The following TENT2 variants were observed in gnomAD, a reference collection of about 807,000 sequenced individuals.
TENT2 encodes the protein terminal nucleotidyltransferase 2.
Under a neutral mutation model 72.2 loss-of-function variants are expected in TENT2, and 44 were observed. That is an observed-to-expected ratio of 0.61 (90% CI 0.48 to 0.78). The LOEUF (loss-of-function observed/expected upper bound fraction) is 0.78, where lower values mean the gene tolerates loss of function less well. Among genes scored for constraint, TENT2 ranks in the 30% least tolerant of loss-of-function variants. TENT2 has a pLI of 0.00. For missense variants in TENT2, 541 were observed against 569.6 expected, an observed-to-expected ratio of 0.95 and a Z score of 0.51; for synonymous variants, 212 against 192.5, an observed-to-expected ratio of 1.10 and a Z score of -0.84.
At chr5:79,624,686 C>T (rs1357430390) in intron 4 of TENT2, among the ~76,000 whole-genome samples, 1 of 152,110 alleles carries the variant, frequency 6.6e-6, no homozygotes, top group Non-Finnish European at 1.5e-5. Context: ...TTGCTTTTTT[C>T]ATTTAGCATG....
chr5:79,648,993 G>C, intron 9 of TENT2, 69 bp from the exon 10 acceptor site: 3 of 1,506,160 alleles, frequency 2.0e-6, no homozygotes, highest in Non-Finnish European at 2.7e-6. Flanking sequence ...TATGGAGCTG[G>C]GAAATGATGT....
chr5:79,641,289 G>A, intron 6 of TENT2, 93 bp downstream of exon 6: 2 of 1,076,150 alleles, frequency 1.9e-6, no homozygotes, highest in Non-Finnish European at 2.6e-6. Context: ...AACTTGCTTT[G>A]TTGTGATTAC....
Position 79,645,105 on chromosome 5 carries a change from T to C in TENT2, c.752-18T>C, listed in dbSNP as rs774693429. 7.0e-6 allele frequency: 11 copies of C among 1,579,716 alleles called. No homozygotes were observed. Among genetic ancestry groups the C allele is most frequent in the Non-Finnish European group, 9.4e-6 (11 of 1,165,706 alleles). ...CTAGAAACATTTGCAGCTATTCACATTATCTTTTGTCTTTCAGCGGGCTAC... is the reference window on the plus strand; with the variant it reads ...CTAGAAACATTTGCAGCTATTCACACTATCTTTTGTCTTTCAGCGGGCTAC... On this transcript the variant is annotated intron_variant, in intron 7 of 14. Coordinates refer to ENST00000453514, the MANE Select transcript of TENT2 (RefSeq NM_001114394.3).
intron 4 of TENT2, among the ~76,000 whole-genome samples, chr5:79,631,965 G>T (rs969366109): frequency 7.2e-5 from 11 of 152,182 alleles, no homozygotes; most frequent in Admixed American, 1.3e-4. Flanking sequence ...GAGTTGAATG[G>T]CATCTTCCCG....
Position 79,620,012 on chromosome 5 carries a change from A to G in TENT2, c.156A>G (p.Ser52=). The G allele has an allele frequency of 1.9e-6, 3 of 1,610,702 alleles. No homozygotes were observed. The highest frequency in any genetic ancestry group is 2.5e-6 in the Non-Finnish European group (3 of 1,177,942). The change falls in exon 3 of 15, where the codon TCA becomes TCG. Residue 52 remains serine, a synonymous_variant. Coordinates refer to ENST00000453514, the MANE Select transcript of TENT2 (RefSeq NM_001114394.3). ...TTGTTAGCTTGTCTAGAGCTGTGTC[A>G]TTACAGCAGCTGACATATGGAAATG... The part of the protein sequence containing the change: ...FQNADLSRAV[S]LQQLTYGNVS...
At chr5:79,636,633 A>G (rs1561493008) in intron 4 of TENT2, among the ~76,000 whole-genome samples, 3 of 152,182 alleles carry the variant, frequency 2.0e-5, no homozygotes, top group Non-Finnish European at 1.5e-5. Context: ...TTGTGAAACA[A>G]ATATCAGATG....
At chr5:79,636,918 T>A (rs1780574307) in intron 4 of TENT2, among the ~76,000 whole-genome samples, 1 of 152,214 alleles carries the variant, frequency 6.6e-6, no homozygotes, top group South Asian at 2.1e-4. Flanking sequence ...AGTAGTGAAT[T>A]ATCTTTTTAG....
intron 3 of TENT2, among the ~76,000 whole-genome samples, chr5:79,621,135 T>TA (rs1418298402): frequency 6.6e-6 from 1 of 152,098 alleles, no homozygotes; most frequent in Non-Finnish European, 1.5e-5. Context: ...AGCTAGGAGT[T>TA]ATTGCTTATT....
rs1826525075 is a variant in TENT2, at chr5:79,687,860, G to A, written c.*2587G>A. Among the ~76,000 whole-genome samples, 1 of 152,208 alleles carries A rather than the reference G, an allele frequency of 6.6e-6. No individual in the cohort carries two copies. The highest frequency in any genetic ancestry group is 2.4e-5 in the African/African-American group (1 of 41,460). ...GTAAGAAATTTTTAATTAAATGATG[G>A]AAGGAACATAGAATGGCTACCTGTG... On this transcript the variant is annotated 3_prime_UTR_variant, in exon 15 of 15. Coordinates refer to ENST00000453514, the MANE Select transcript of TENT2 (RefSeq NM_001114394.3).
At chr5:79,616,992 A>G (rs1172316724) in intron 1 of TENT2, among the ~76,000 whole-genome samples, 1 of 151,836 alleles carries the variant, frequency 6.6e-6, no homozygotes, top group Non-Finnish European at 1.5e-5. Flanking sequence ...GGATTTATTA[A>G]TTTCTTCCCA....
At chr5:79,681,900 T>TA in intron 13 of TENT2, 82 bp from the exon 14 acceptor site, 1 of 1,132,932 alleles carries the variant, frequency 8.8e-7, no homozygotes, top group South Asian at 1.5e-5. Flanking sequence ...ACTGTTAACA[T>TA]ATTGACAGTA....
chr5:79,636,460 T>TGTA (rs1780214732), intron 4 of TENT2, among the ~76,000 whole-genome samples: 19 of 152,344 alleles, frequency 1.2e-4, no homozygotes, highest in Admixed American at 3.9e-4. Context: ...AGGGCCATAC[T>TGTA]ATCTTGATTA....
At chr5:79,683,313 T>TCACACACA (rs111701863) in intron 14 of TENT2, among the ~76,000 whole-genome samples, 5 of 145,652 alleles carry the variant, frequency 3.4e-5, no homozygotes, top group African/African-American at 7.5e-5. Flanking sequence ...ACGCACATGC[T>TCACACACA]CACACACACA....
intron 4 of TENT2, among the ~76,000 whole-genome samples, chr5:79,637,959 G>A (rs528306993): frequency 1.1e-4 from 16 of 151,852 alleles, no homozygotes; most frequent in African/African-American, 3.4e-4. Flanking sequence ...CACTGTTCCC[G>A]GCTAATTTTT....
chr5:79,615,406 C>A (rs1281319804), intron 1 of TENT2, among the ~76,000 whole-genome samples: 1 of 152,142 alleles, frequency 6.6e-6, no homozygotes, highest in Non-Finnish European at 1.5e-5. Flanking sequence ...TTGCTATGAA[C>A]CGATTTAAAT....
rs1791092043 is a variant in TENT2 at position 79,648,646 on chromosome 5, A to G, written c.851A>G (p.Asn284Ser). The stretch of plus-strand genomic sequence containing the variant: ...GTGGAGTTTGACTTGAATGTAAACA[A>G]TATTGTTGGAATAAGAAACACATTC... ...SCVEFDLNVN[N>S]IVGIRNTFLL... Residue 284 changes from asparagine to serine, a missense_variant, in exon 9 of 15, where the codon AAT (asparagine) becomes AGT (serine). By Grantham distance (46) the Asn-to-Ser change is conservative. Coordinates refer to ENST00000453514, the MANE Select transcript of TENT2 (RefSeq NM_001114394.3). 2 of 1,595,048 alleles carry G rather than the reference A, an allele frequency of 1.3e-6. No homozygotes were observed. The highest frequency in any genetic ancestry group is 2.2e-5 in the East Asian group (1 of 44,484).
chr5:79,668,824 G>A, intron 11 of TENT2, 68 bp from the exon 12 acceptor site: 1 of 1,489,016 alleles, frequency 6.7e-7, no homozygotes, highest in Non-Finnish European at 9.0e-7. Flanking sequence ...CCTAGTTCAG[G>A]ATTTATAAAG....
chr5:79,655,807 AATTTT>A (rs1158742686), intron 10 of TENT2, among the ~76,000 whole-genome samples: 1 of 151,732 alleles, frequency 6.6e-6, no homozygotes, highest in Non-Finnish European at 1.5e-5. Context: ...CATACCATGG[AATTTT>A]ATTTTATGCC....
intron 4 of TENT2, among the ~76,000 whole-genome samples, chr5:79,635,085 G>C (rs1779001988): frequency 6.6e-6 from 1 of 152,060 alleles, no homozygotes; most frequent in Non-Finnish European, 1.5e-5. Context: ...TTACATATAT[G>C]ATCTAAATCG....
Sources: gnomAD v4.1 joint callset for allele counts (sites outside exome capture counted in the v4.1 genomes callset) on GRCh38, gnomAD v4.1.1 for gene constraint, MANE v1.5 for transcripts, NCBI Gene and HGNC (gene_info 2026-07-23, HGNC 2026-07-21) for gene names.